The following RRM2B variants were observed in gnomAD, a reference collection of about 807,000 sequenced individuals.
RRM2B encodes ribonucleoside-diphosphate reductase subunit M2 B.
A neutral mutation model predicts 45.9 loss-of-function variants in RRM2B; 20 were observed. The ratio of observed to expected loss-of-function variants is 0.44; its 90% CI spans 0.31 to 0.63. The LOEUF is 0.63. Ranked by LOEUF, RRM2B falls within the 30% of genes least tolerant of loss-of-function variation. The pLI is 0.09. For missense variants in RRM2B, 320 were observed against 414.7 expected, an observed-to-expected ratio of 0.77 and a Z score of 1.98; for synonymous variants, 124 against 132.3, an observed-to-expected ratio of 0.94 and a Z score of 0.43.
chr8:102,225,123 T>A (rs1810907697), intron 3 of RRM2B, 105 bp from the exon 4 acceptor site: 2 of 1,157,642 alleles, frequency 1.7e-6, no homozygotes, highest in Admixed American at 3.8e-5. Context: ...CTGCCTGTCA[T>A]GTAACAAACA....
At position 102,238,909 on chromosome 8, in the gene RRM2B, G is replaced by A. The variant is rs1321434056; in HGVS notation, c.-35C>T. On this transcript the variant is annotated 5_prime_UTR_variant, in exon 1 of 9. Coordinates refer to ENST00000251810, the MANE Select transcript of RRM2B (RefSeq NM_015713.5). ...TCCGCCGAAGCTACGGGCGCTGAGGGAACTGAGCTCCTCAGGCCACCTCCA... is the reference window on the plus strand; with the variant it reads ...TCCGCCGAAGCTACGGGCGCTGAGGAAACTGAGCTCCTCAGGCCACCTCCA... 1 of 1,604,318 alleles carries A rather than the reference G, an allele frequency of 6.2e-7. No homozygotes were observed. Among genetic ancestry groups the A allele is most frequent in the South Asian group, 1.1e-5 (1 of 90,944 alleles).
chr8:102,208,107 T>C lies in RRM2B; in HGVS notation c.*26A>G. On this transcript the variant is annotated 3_prime_UTR_variant, in exon 9 of 9. Coordinates refer to ENST00000251810, the MANE Select transcript of RRM2B (RefSeq NM_015713.5). ...GACTACTATTTACCAATGACAAGTT[T>C]ATAGAGTTTTAAAACGAGAGGTTTT... 6.3e-7 allele frequency: 1 copy of C among 1,595,332 alleles called. No homozygotes were observed. Among genetic ancestry groups the C allele is most frequent in the Non-Finnish European group, 8.6e-7 (1 of 1,164,170 alleles).
intron 8 of RRM2B, 84 bp from the exon 9 acceptor site, chr8:102,208,369 T>G: frequency 3.0e-6 from 3 of 995,722 alleles, no homozygotes; most frequent in Non-Finnish European, 4.7e-6. Context: ...AAAACAGAGG[T>G]CAGGTTTCTC....
intron 2 of RRM2B, 41 bp from the exon 3 acceptor site, chr8:102,226,075 A>T (rs771929284): frequency 8.2e-7 from 1 of 1,224,186 alleles, no homozygotes; most frequent in African/African-American, 1.5e-5. Context: ...TTTGGAGTTA[A>T]GTTCTTCTCA....
intron 2 of RRM2B, among the ~76,000 whole-genome samples, chr8:102,227,353 G>A (rs1001985091): frequency 8.6e-5 from 13 of 151,808 alleles, no homozygotes; most frequent in East Asian, 3.9e-4. Context: ...TCTGGAGTGC[G>A]GTGGCACAAT....
At chr8:102,238,319 T>C in intron 1 of RRM2B, 1 of 339,838 alleles carries the variant, frequency 2.9e-6, no homozygotes, top group Non-Finnish European at 5.7e-6. Context: ...CCTGATTTTT[T>C]CACTGGGAGG....
Position 102,228,293 on chromosome 8 carries a change from G to A in RRM2B, c.205-2259C>T, listed in dbSNP as rs376681960. Among the ~76,000 whole-genome samples, 7 of 152,144 alleles carry A rather than the reference G, an allele frequency of 4.6e-5. 1 individual carries two copies. In the East Asian group the frequency reaches 1.2e-3, roughly 25 times the overall value. On this transcript the variant is annotated intron_variant, in intron 2 of 8. Transcript: ENST00000251810. ...CTGGGGACGGCCAGACAGACTCCAG[G>A]AGAAGATTATTTTTCCACTCCATCC...
At chr8:102,238,804 G>T in intron 1 of RRM2B, 23 bp downstream of exon 1, 4 of 1,613,780 alleles carry the variant, frequency 2.5e-6, no homozygotes, top group Non-Finnish European at 3.4e-6. Flanking sequence ...CGGTGAGGGG[G>T]AAGACGCAAC....
intron 6 of RRM2B, among the ~76,000 whole-genome samples, chr8:102,216,266 ATTCT>A (rs1810728918): frequency 6.6e-6 from 1 of 152,114 alleles, no homozygotes; most frequent in African/African-American, 2.4e-5. Flanking sequence ...ATTCTAACTT[ATTCT>A]TTATTATATT....
At chr8:102,225,363 A>T (rs1810914314) in intron 3 of RRM2B, among the ~76,000 whole-genome samples, 1 of 150,702 alleles carries the variant, frequency 6.6e-6, no homozygotes, top group East Asian at 2.0e-4. Flanking sequence ...CCTCCCAAAT[A>T]GCTGGGGCTA....
At chr8:102,237,344 A>T (rs1811138305) in intron 1 of RRM2B, among the ~76,000 whole-genome samples, 1 of 152,328 alleles carries the variant, frequency 6.6e-6, no homozygotes, top group African/African-American at 2.4e-5. Context: ...ACCCTTTAAG[A>T]CAGTGGGGGG....
At chr8:102,217,124 C>A (rs1281845958) in intron 6 of RRM2B, among the ~76,000 whole-genome samples, 1 of 151,988 alleles carries the variant, frequency 6.6e-6, no homozygotes, top group African/African-American at 2.4e-5. Flanking sequence ...ATAAATGATT[C>A]ATTCATTAGA....
At chr8:102,213,758 C>T (rs1368882700) in intron 7 of RRM2B, among the ~76,000 whole-genome samples, 3 of 151,798 alleles carry the variant, frequency 2.0e-5, no homozygotes, top group Non-Finnish European at 4.4e-5. Context: ...AAAAAAGCTA[C>T]TATAATTAGC....
rs1011128751 is a variant in RRM2B, at chr8:102,222,924, A to T, written c.550+1122T>A. On this transcript the variant is annotated intron_variant, in intron 5 of 8. Coordinates refer to ENST00000251810, the MANE Select transcript of RRM2B (RefSeq NM_015713.5). Reference sequence around the variant, plus strand: ...AGAATGCACTAATAAATATTTTTAAATTATCTCAATGTTAATTTCTAATGC... The same window carrying T: ...AGAATGCACTAATAAATATTTTTAATTTATCTCAATGTTAATTTCTAATGC... 2.6e-5 allele frequency among the ~76,000 whole-genome samples: 4 copies of T among 152,312 alleles called. No individual in the cohort carries two copies. In the East Asian group the frequency reaches 7.7e-4, roughly 29 times the overall value.
intron 6 of RRM2B, among the ~76,000 whole-genome samples, chr8:102,218,514 T>TC (rs1379733563): frequency 2.0e-5 from 3 of 151,980 alleles, no homozygotes; most frequent in Non-Finnish European, 4.4e-5. Flanking sequence ...GGCCAGGAGT[T>TC]CAAGACCAGC....
At position 102,233,211 on chromosome 8, in the gene RRM2B, G is replaced by A. The variant is rs115312662; in HGVS notation, c.49-907C>T. On this transcript the variant is annotated intron_variant, in intron 1 of 8. Coordinates refer to ENST00000251810, the MANE Select transcript of RRM2B (RefSeq NM_015713.5). ...GGCCCGTTATGTTCCTTACTCCAGC[G>A]TCCACCCATTGTCACCTCGCCAAAG... Among the ~76,000 whole-genome samples the A allele has an allele frequency of 2.4e-3, 363 of 152,224 alleles. 2 individuals are homozygous for A. Among genetic ancestry groups the A allele is most frequent in the African/African-American group, 8.1e-3 (337 of 41,510 alleles).
rs1173265568 is a variant in RRM2B, at chr8:102,205,948, A to G, written c.*2185T>C. Reference sequence around the variant, plus strand: ...TTATAAATAAGCTTCACATTAAGGCATCTGTCATTACCTATGAAAAAGATT... The same window carrying G: ...TTATAAATAAGCTTCACATTAAGGCGTCTGTCATTACCTATGAAAAAGATT... On this transcript the variant is annotated 3_prime_UTR_variant, in exon 9 of 9. Transcript: ENST00000251810. The G allele has an allele frequency of 6.6e-6, 1 of 152,128 alleles. No individual in the cohort carries two copies. The allele number at this position is 152,128 out of a possible 1,614,324, so 9.4% of individuals were successfully genotyped here.
intron 8 of RRM2B, among the ~76,000 whole-genome samples, chr8:102,210,322 G>C (rs547121581): frequency 6.6e-6 from 1 of 152,290 alleles, no homozygotes; most frequent in South Asian, 2.1e-4. Flanking sequence ...GCAAGATACA[G>C]TGAAAGGGCA....
At chr8:102,222,510 C>G (rs1810854057) in intron 5 of RRM2B, among the ~76,000 whole-genome samples, 4 of 152,290 alleles carry the variant, frequency 2.6e-5, no homozygotes, top group Middle Eastern at 6.8e-3. Context: ...CCTGAGAGAT[C>G]CACAGACCCA....
Sources: gnomAD v4.1 joint callset for allele counts (sites outside exome capture counted in the v4.1 genomes callset) on GRCh38, gnomAD v4.1.1 for gene constraint, MANE v1.5 for transcripts, NCBI Gene and HGNC (gene_info 2026-07-23, HGNC 2026-07-21) for gene names.